Variants in LRRC4C observed in about 807,000 individuals in gnomAD.
LRRC4C encodes leucine-rich repeat-containing protein 4C.
In LRRC4C, 5 loss-of-function variants were observed where a neutral mutation model predicts 33.6. The observed-to-expected ratio is 0.15, with a 90% CI of 0.08 to 0.31. The LOEUF (loss-of-function observed/expected upper bound fraction) is 0.31, where lower values mean the gene tolerates loss of function less well. Among genes scored for constraint, LRRC4C ranks in the 10% least tolerant of loss-of-function variants. LRRC4C has a pLI of 1.00. For missense variants in LRRC4C, 560 were observed against 796.7 expected, an observed-to-expected ratio of 0.70 and a Z score of 3.58; for synonymous variants, 329 against 302.0, an observed-to-expected ratio of 1.09 and a Z score of -0.93.
intron 2 of LRRC4C, among the ~76,000 whole-genome samples, chr11:40,659,387 G>A (rs559519093): frequency 6.6e-6 from 1 of 152,128 alleles, no homozygotes; most frequent in African/African-American, 2.4e-5. Flanking sequence ...GGGGGTCCCT[G>A]GTGAAACCCT....
At chr11:40,326,130 C>T (rs1946091262) in intron 3 of LRRC4C, among the ~76,000 whole-genome samples, 1 of 151,442 alleles carries the variant, frequency 6.6e-6, no homozygotes, top group South Asian at 2.1e-4. Flanking sequence ...TGCTTGCTCA[C>T]TATTGAAAGC....
intron 6 of LRRC4C, among the ~76,000 whole-genome samples, chr11:40,136,287 A>G (rs1017554655): frequency 3.1e-4 from 47 of 151,394 alleles, no homozygotes; most frequent in African/African-American, 1.1e-3. Context: ...TCTTTTTGAT[A>G]TGGAGTCTTC....
At chr11:40,633,399 T>TCTCTCTCTCTCTCTCTCTTTCTTTC (rs1963682731) in intron 3 of LRRC4C, among the ~76,000 whole-genome samples, 1 of 64,592 alleles carries the variant, frequency 1.5e-5, no homozygotes, top group Non-Finnish European at 3.6e-5. Context: ...TTCTTTCTTT[T>TCTCTCTCTCTCTCTCTCTTTCTTTC]TTTTTTTTTG....
chr11:40,345,228 C>T (rs1384797841), intron 3 of LRRC4C, among the ~76,000 whole-genome samples: 3 of 152,060 alleles, frequency 2.0e-5, no homozygotes, highest in African/African-American at 7.2e-5. Context: ...CAGAAAAGAT[C>T]CCAAATAGCC....
At chr11:40,198,054 C>A (rs1034408809) in intron 5 of LRRC4C, among the ~76,000 whole-genome samples, 1 of 152,000 alleles carries the variant, frequency 6.6e-6, no homozygotes, top group Non-Finnish European at 1.5e-5. Context: ...GAAAAGTTCA[C>A]GTGCCAGCAG....
chr11:41,100,411 C>CA lies in LRRC4C; in HGVS notation c.-495-166689dup, dbSNP rs538301060. Among the ~76,000 whole-genome samples, 709 of 151,946 alleles carry CA rather than the reference C, an allele frequency of 4.7e-3. 7 individuals carry two copies. Among genetic ancestry groups the CA allele is most frequent in the South Asian group, 0.029 (140 of 4,816 alleles). Reference sequence around the variant, plus strand: ...TGAAACCCTGTCTCTACTAAAAATACAAAAAAGTAGCTGGGAGTGGTGGCA... The same window carrying CA: ...TGAAACCCTGTCTCTACTAAAAATACAAAAAAAGTAGCTGGGAGTGGTGGCA... On this transcript the variant is annotated intron_variant, in intron 1 of 6. Coordinates refer to ENST00000528697, the MANE Select transcript of LRRC4C (RefSeq NM_001258419.2).
intron 3 of LRRC4C, among the ~76,000 whole-genome samples, chr11:40,600,023 A>G (rs1019879632): frequency 2.6e-5 from 4 of 152,206 alleles, no homozygotes; most frequent in Non-Finnish European, 5.9e-5. Context: ...AGCCCAGTGT[A>G]TTCTCATATA....
chr11:40,899,332 C>T (rs1039762247), intron 2 of LRRC4C, among the ~76,000 whole-genome samples: 1 of 152,064 alleles, frequency 6.6e-6, no homozygotes, highest in African/African-American at 2.4e-5. Context: ...TTGGAAGGTC[C>T]CTGGCTCTTG....
intron 1 of LRRC4C, among the ~76,000 whole-genome samples, chr11:41,372,913 T>G (rs955086827): frequency 6.6e-6 from 1 of 152,166 alleles, no homozygotes; most frequent in Non-Finnish European, 1.5e-5. Flanking sequence ...GACCTAGTTC[T>G]CAAATTAGTT....
chr11:40,130,642 C>T (rs1010926479), intron 6 of LRRC4C, among the ~76,000 whole-genome samples: 6 of 152,160 alleles, frequency 3.9e-5, no homozygotes, highest in Admixed American at 3.9e-4. Flanking sequence ...ACAGTGTCTC[C>T]AGACACTGCC....
intron 3 of LRRC4C, among the ~76,000 whole-genome samples, chr11:40,344,835 C>T (rs1285905270): frequency 6.6e-6 from 1 of 152,028 alleles, no homozygotes; most frequent in Non-Finnish European, 1.5e-5. Context: ...TGTAAAAAAT[C>T]AGTAGTACTC....
chr11:41,108,014 A>G (rs1311763131), intron 1 of LRRC4C, among the ~76,000 whole-genome samples: 1 of 151,634 alleles, frequency 6.6e-6, no homozygotes, highest in Non-Finnish European at 1.5e-5. Flanking sequence ...GAGAGGAGAG[A>G]GGAGAGTGCT....
At chr11:40,468,268 G>T (rs1952752776) in intron 3 of LRRC4C, among the ~76,000 whole-genome samples, 1 of 152,138 alleles carries the variant, frequency 6.6e-6, no homozygotes. Context: ...GTCTAAATCT[G>T]TAATTTTCAA....
intron 2 of LRRC4C, among the ~76,000 whole-genome samples, chr11:40,724,173 C>T (rs1179233988): frequency 1.3e-5 from 2 of 152,132 alleles, no homozygotes; most frequent in South Asian, 2.1e-4. Flanking sequence ...TACTTCAAAA[C>T]CCCACTGACA....
At chr11:40,318,292 C>T (rs886900587) in intron 4 of LRRC4C, among the ~76,000 whole-genome samples, 1 of 151,918 alleles carries the variant, frequency 6.6e-6, no homozygotes, top group African/African-American at 2.4e-5. Context: ...TATTATTTTG[C>T]CTTTACTGCT....
chr11:40,586,385 G>C (rs1958744896), intron 3 of LRRC4C, among the ~76,000 whole-genome samples: 1 of 147,186 alleles, frequency 6.8e-6, no homozygotes, highest in Non-Finnish European at 1.5e-5. Flanking sequence ...CCCTTTGTCA[G>C]ATGAGTAGGT....
At chr11:40,642,885 C>A (rs1329376444) in intron 3 of LRRC4C, among the ~76,000 whole-genome samples, 4 of 152,048 alleles carry the variant, frequency 2.6e-5, no homozygotes, top group African/African-American at 9.7e-5. Flanking sequence ...CAAAAAAGAA[C>A]CATCAAAATA....
At chr11:40,946,891 A>G (rs1958428516) in intron 1 of LRRC4C, among the ~76,000 whole-genome samples, 1 of 152,146 alleles carries the variant, frequency 6.6e-6, no homozygotes, top group Admixed American at 6.6e-5. Flanking sequence ...CAATAAATTC[A>G]AAAAAATTTA....
chr11:41,338,710 T>C lies in LRRC4C; in HGVS notation c.-496+120721A>G, dbSNP rs143830332. On this transcript the variant is annotated intron_variant, in intron 1 of 6. Coordinates refer to ENST00000528697, the MANE Select transcript of LRRC4C (RefSeq NM_001258419.2). ...CTCTGACCTTAAAGTAAAATAAAAA[T>C]AAAAATTAAAATTAAAAAATAAATG... Among the ~76,000 whole-genome samples, 802 of 151,986 alleles carry C rather than the reference T, an allele frequency of 5.3e-3. 6 individuals are homozygous for C. Among genetic ancestry groups the C allele is most frequent in the Non-Finnish European group, 8.3e-3 (564 of 67,964 alleles).
Sources: allele counts gnomAD v4.1 joint callset (sites outside exome capture counted in the v4.1 genomes callset), GRCh38; gene constraint gnomAD v4.1.1; transcripts MANE v1.5; gene names NCBI Gene and HGNC (gene_info 2026-07-23, HGNC 2026-07-21).